The following KCNK3 variants were observed in gnomAD, a reference collection of about 807,000 sequenced individuals.
KCNK3 encodes the protein potassium two pore domain channel subfamily K member 3.
Under a neutral mutation model 27.3 loss-of-function variants are expected in KCNK3, and 9 were observed. The ratio of observed to expected loss-of-function variants is 0.33; its 90% CI spans 0.20 to 0.57. The LOEUF (loss-of-function observed/expected upper bound fraction) is 0.57, where lower values mean the gene tolerates loss of function less well. Ranked by LOEUF, KCNK3 falls within the 20% of genes least tolerant of loss-of-function variation. The pLI is 0.87. For missense variants in KCNK3, 391 were observed against 577.7 expected (o/e 0.68, Z 3.31); for synonymous variants, 278 against 273.8 (o/e 1.02, Z -0.15).
rs1461475863 is a variant in KCNK3 at position 26,729,302 on chromosome 2, C to T, written c.*734C>T. 2.0e-5 allele frequency: 3 copies of T among 152,296 alleles called. No individual in the cohort carries two copies. The highest frequency in any genetic ancestry group is 2.9e-5 in the Non-Finnish European group (2 of 68,066). The allele number at this position is 152,296 out of a possible 1,614,324, so 9.4% of individuals were successfully genotyped here. A position where few individuals can be genotyped will look rare whatever the true frequency, so the allele number is the denominator to read the frequency against. On this transcript the variant is annotated 3_prime_UTR_variant, in exon 2 of 2. Transcript: ENST00000302909. Reference sequence around the variant, plus strand: ...ATTCTCATAGCAGGTAGGACTTCAGCCTTCCAGACACTGCCCTTAGAATCT... The same window carrying T: ...ATTCTCATAGCAGGTAGGACTTCAGTCTTCCAGACACTGCCCTTAGAATCT...
intron 1 of KCNK3, among the ~76,000 whole-genome samples, chr2:26,710,701 C>T (rs576830073): frequency 3.2e-4 from 49 of 152,212 alleles, no homozygotes; most frequent in East Asian, 2.5e-3. Context: ...CAGCTCTGAC[C>T]CTTGGGATTC....
intron 1 of KCNK3, among the ~76,000 whole-genome samples, chr2:26,725,878 T>C (rs1053567997): frequency 1.3e-5 from 2 of 152,136 alleles, no homozygotes; most frequent in Non-Finnish European, 2.9e-5. Flanking sequence ...GCCTGGCTGC[T>C]CTCTTGGAAA....
At chr2:26,718,160 A>G (rs1196902701) in intron 1 of KCNK3, among the ~76,000 whole-genome samples, 1 of 151,680 alleles carries the variant, frequency 6.6e-6, no homozygotes, top group Non-Finnish European at 1.5e-5. Context: ...CAACTGGACC[A>G]TGCAGAGGAC....
chr2:26,708,911 T>A (rs1256189653), intron 1 of KCNK3, among the ~76,000 whole-genome samples: 1 of 152,160 alleles, frequency 6.6e-6, no homozygotes, highest in Non-Finnish European at 1.5e-5. Context: ...GGTGGCGGAC[T>A]GGACCAGCGT....
intron 1 of KCNK3, among the ~76,000 whole-genome samples, chr2:26,711,707 T>C (rs1663111846): frequency 6.6e-6 from 1 of 152,260 alleles, no homozygotes; most frequent in Admixed American, 6.5e-5. Flanking sequence ...CGTACATATA[T>C]TAGCTCGCTT....
intron 1 of KCNK3, among the ~76,000 whole-genome samples, chr2:26,694,680 G>T (rs1176781458): frequency 6.6e-6 from 1 of 152,092 alleles, no homozygotes; most frequent in African/African-American, 2.4e-5. Flanking sequence ...GCCCAAAGAG[G>T]AGCCCGCTTC....
At chr2:26,717,314 A>G (rs1663249959) in intron 1 of KCNK3, among the ~76,000 whole-genome samples, 1 of 152,152 alleles carries the variant, frequency 6.6e-6, no homozygotes. Context: ...CAGGGCTTCC[A>G]GTTGGGAGAA....
At chr2:26,707,901 G>A (rs1046071497) in intron 1 of KCNK3, among the ~76,000 whole-genome samples, 10 of 151,986 alleles carry the variant, frequency 6.6e-5, no homozygotes, top group South Asian at 4.2e-4. Flanking sequence ...TCGAACTCAG[G>A]TCCCCGACTC....
chr2:26,713,663 G>A (rs1431746849), intron 1 of KCNK3, among the ~76,000 whole-genome samples: 2 of 151,926 alleles, frequency 1.3e-5, no homozygotes, highest in East Asian at 3.9e-4. Context: ...AACTACTTGG[G>A]AGGCTGAGGC....
Position 26,715,853 on chromosome 2 carries a change from C to T in KCNK3, c.284-11814C>T, listed in dbSNP as rs1170939005. ...CCACCAGGACTGTCGGTCTGGCATA[C>T]ACCCAAATGCCCAGTGTTATTGCTT... On this transcript the variant is annotated intron_variant, in intron 1 of 1. Transcript: ENST00000302909. Among the ~76,000 whole-genome samples, 3 of 152,244 alleles carry T rather than the reference C, an allele frequency of 2.0e-5. No individual in the cohort carries two copies. In the East Asian group the frequency reaches 5.8e-4, roughly 29 times the overall value.
At chr2:26,724,988 T>C (rs1663388262) in intron 1 of KCNK3, among the ~76,000 whole-genome samples, 1 of 151,944 alleles carries the variant, frequency 6.6e-6, no homozygotes, top group African/African-American at 2.4e-5. Context: ...GATGTGTGGC[T>C]CCTTGAAGCT....
chr2:26,695,608 T>C (rs1418251341), intron 1 of KCNK3, among the ~76,000 whole-genome samples: 2 of 152,216 alleles, frequency 1.3e-5, no homozygotes. Flanking sequence ...GGGCAGGTCC[T>C]GCAGTTCCTG....
At position 26,692,788 on chromosome 2, in the gene KCNK3, A is replaced by G. The variant is rs933036909; in HGVS notation, c.-88A>G. On this transcript the variant is annotated 5_prime_UTR_variant, in exon 1 of 2. Transcript: ENST00000302909. The surrounding 1 kb of genome is among the most constrained non-coding windows in gnomAD (Gnocchi z 5.6). Reference sequence around the variant, plus strand: ...AGAGCGGCGAGCGCAGCCATGCCCCAGGCCGCCTCCGGGGCAGCAGCAGCG... The same window carrying G: ...AGAGCGGCGAGCGCAGCCATGCCCCGGGCCGCCTCCGGGGCAGCAGCAGCG... 2 of 726,436 alleles carry G rather than the reference A, an allele frequency of 2.8e-6. No individual in the cohort carries two copies. The highest frequency in any genetic ancestry group is 6.4e-5 in the Admixed American group (1 of 15,504). 45.0% of individuals were successfully genotyped at this position (726,436 alleles called of 1,614,324 possible).
intron 1 of KCNK3, among the ~76,000 whole-genome samples, chr2:26,699,207 G>C (rs200465340): frequency 2.3e-5 from 3 of 130,966 alleles, no homozygotes; most frequent in African/African-American, 8.7e-5. Flanking sequence ...AGGAAAGAGA[G>C]AGAAAGAAAG....
At chr2:26,723,779 G>A (rs1275919) in intron 1 of KCNK3, among the ~76,000 whole-genome samples, 151,223 of 152,320 alleles carry the variant, frequency 0.99, 75,080 homozygotes, top group Middle Eastern at 1. Context: ...GATTCAGGGA[G>A]AGGAGGCTGG....
At chr2:26,713,787 A>T (rs1219983307) in intron 1 of KCNK3, among the ~76,000 whole-genome samples, 1 of 150,900 alleles carries the variant, frequency 6.6e-6, no homozygotes, top group Non-Finnish European at 1.5e-5. Flanking sequence ...CAAAAAAAAA[A>T]AAAAAGGGCT....
At position 26,728,015 on chromosome 2, in the gene KCNK3, A is replaced by G; in HGVS notation, c.632A>G (p.Asp211Gly). Residue 211 changes from aspartate to glycine, a missense_variant, in exon 2 of 2, where the codon GAC (aspartate) becomes GGC (glycine). Around this residue, in one of 4 missense-constraint regions of KCNK3, gnomAD observed 38 missense variants for 80.5 expected, o/e 0.47. Transcript: ENST00000302909. ...GFGDYVALQK[D>G]QALQTQPQYV... Reference sequence around the variant, plus strand: ...GGCGACTACGTGGCGCTGCAGAAGGACCAGGCCCTGCAGACGCAGCCGCAG... The same window carrying G: ...GGCGACTACGTGGCGCTGCAGAAGGGCCAGGCCCTGCAGACGCAGCCGCAG... 6.2e-7 allele frequency: 1 copy of G among 1,614,226 alleles called. No homozygotes were observed. The highest frequency in any genetic ancestry group is 8.5e-7 in the Non-Finnish European group (1 of 1,180,036).
At chr2:26,712,087 T>C (rs1160151907) in intron 1 of KCNK3, among the ~76,000 whole-genome samples, 1 of 152,180 alleles carries the variant, frequency 6.6e-6, no homozygotes, top group African/African-American at 2.4e-5. Context: ...TTGCCAATGT[T>C]GCACTGTGAA....
chr2:26,707,452 G>A (rs1670389519), intron 1 of KCNK3, among the ~76,000 whole-genome samples: 1 of 152,222 alleles, frequency 6.6e-6, no homozygotes, highest in South Asian at 2.1e-4. Flanking sequence ...CTCCAAGGCT[G>A]CCAGGGTACC....
Sources: gnomAD v4.1 joint callset for allele counts (sites outside exome capture counted in the v4.1 genomes callset) on GRCh38, gnomAD v4.1.1 for gene constraint, gnomAD v4.1.1 regional missense constraint, Gnocchi (gnomAD v3.1) non-coding constraint, MANE v1.5 for transcripts, NCBI Gene and HGNC (gene_info 2026-07-23, HGNC 2026-07-21) for gene names.